The following TAF1A variants were observed in gnomAD, a reference collection of about 807,000 sequenced individuals.
TAF1A encodes TATA-box binding protein associated factor, RNA polymerase I subunit A, also known as TATA box-binding protein-associated factor RNA polymerase I subunit A.
Under a neutral mutation model 61.6 loss-of-function variants are expected in TAF1A, and 42 were observed. That is an observed-to-expected ratio of 0.68 (90% CI 0.53 to 0.88). The LOEUF (loss-of-function observed/expected upper bound fraction) is 0.88. Ranked by LOEUF, TAF1A falls within the 40% of genes least tolerant of loss-of-function variation. The pLI is 0.00. For missense variants in TAF1A, 424 were observed against 518.7 expected (o/e 0.82, Z 1.77); for synonymous variants, 179 against 177.7 (o/e 1.01, Z -0.06).
intron 7 of TAF1A, among the ~76,000 whole-genome samples, chr1:222,568,432 A>C (rs1267151158): frequency 6.6e-6 from 1 of 152,076 alleles, no homozygotes; most frequent in Non-Finnish European, 1.5e-5. Context: ...GTAAGAAGAC[A>C]ATTGATCCCC....
At chr1:222,577,807 C>T (rs913177590) in intron 4 of TAF1A, among the ~76,000 whole-genome samples, 164 bp from the exon 5 acceptor site, 5 of 152,054 alleles carry the variant, frequency 3.3e-5, no homozygotes, top group Admixed American at 1.3e-4. Context: ...AGAAGTAAGA[C>T]ATAGGAAACA....
Position 222,569,674 on chromosome 1 carries a change from T to C in TAF1A, c.736-6A>G, listed in dbSNP as rs1176281633. 1 of 1,606,134 alleles carries C rather than the reference T, an allele frequency of 6.2e-7. No homozygotes were observed. On this transcript the variant is annotated splice_region_variant and splice_polypyrimidine_tract_variant and intron_variant, in intron 6 of 10. Transcript: ENST00000352967. ...TCCCCATAGAATTCCAGCATCTATA[T>C]AAAATAAATCATAATATCTTAGCTG...
intron 5 of TAF1A, among the ~76,000 whole-genome samples, chr1:222,572,336 C>T (rs186022716): frequency 1.3e-5 from 2 of 151,922 alleles, no homozygotes; most frequent in Admixed American, 1.3e-4. Flanking sequence ...TAAACCTCTA[C>T]ATTTATAGGT....
chr1:222,557,172 G>C (rs1659739730), downstream of TAF1A, among the ~76,000 whole-genome samples: 1 of 152,210 alleles, frequency 6.6e-6, no homozygotes, highest in Admixed American at 6.5e-5. Context: ...TATTAGACTT[G>C]CTCTGAAGTT....
chr1:222,585,897 A>G (rs1660996254), intron 2 of TAF1A, among the ~76,000 whole-genome samples: 2 of 152,224 alleles, frequency 1.3e-5, no homozygotes, highest in African/African-American at 4.8e-5. Flanking sequence ...AAAGTAATAT[A>G]TAGTCATTTA....
chr1:222,562,960 T>C (rs979861835), intron 9 of TAF1A, among the ~76,000 whole-genome samples: 10 of 152,216 alleles, frequency 6.6e-5, no homozygotes, highest in Admixed American at 1.3e-4. Context: ...AGGATTTATT[T>C]TGATGGCATA....
At chr1:222,568,486 C>T (rs1232539656) in intron 7 of TAF1A, among the ~76,000 whole-genome samples, 1 of 52,422 alleles carries the variant, frequency 1.9e-5, no homozygotes, top group Non-Finnish European at 6.0e-5. Flanking sequence ...AAAGAAGATA[C>T]AGGATGGCCA....
chr1:222,585,743 C>A (rs539602712), intron 2 of TAF1A, among the ~76,000 whole-genome samples: 169 of 152,186 alleles, frequency 1.1e-3, no homozygotes, highest in African/African-American at 3.5e-3. Context: ...AATATTGATA[C>A]ATACTTTTAT....
intron 5 of TAF1A, among the ~76,000 whole-genome samples, chr1:222,574,744 A>G (rs1660499177): frequency 6.6e-6 from 1 of 152,186 alleles, no homozygotes; most frequent in Non-Finnish European, 1.5e-5. Context: ...ATACAGTACA[A>G]CTCCAAATAC....
At chr1:222,586,995 C>T (rs1297041354) in intron 2 of TAF1A, among the ~76,000 whole-genome samples, 1 of 152,208 alleles carries the variant, frequency 6.6e-6, no homozygotes, top group African/African-American at 2.4e-5. Context: ...AACCTATCTG[C>T]TTGCAGACTG....
Position 222,569,237 on chromosome 1 carries a change from T to C in TAF1A, c.894+273A>G, listed in dbSNP as rs1571805220. ...CTCTGAAAACTAAATTTCAATAAAG[T>C]TGATTTTCAAAAAATATCAGTGCAG... is the stretch of plus-strand genomic sequence containing the variant. On this transcript the variant is annotated intron_variant, in intron 7 of 10. Coordinates refer to ENST00000352967, the MANE Select transcript of TAF1A (RefSeq NM_005681.4). 6 of 1,255,808 alleles carry C rather than the reference T, an allele frequency of 4.8e-6. No individual in the cohort carries two copies. The African/African-American group carries it at 9.2e-5, about 19-fold the overall frequency. 77.8% of individuals were successfully genotyped at this position (1,255,808 alleles called of 1,614,324 possible).
In TAF1A at chr1:222,569,495, A is replaced by AT; in HGVS notation, c.894+14dup. 6.2e-7 allele frequency: 1 copy of AT among 1,613,552 alleles called. No individual in the cohort carries two copies. ...TTCCCAACCCTGGTCAAACATCGAG[A>AT]TAAAAATTCTATACCTTAAGCACAC... On this transcript the variant is annotated intron_variant, in intron 7 of 10. Transcript: ENST00000352967.
chr1:222,577,642 A>C lies in TAF1A; in HGVS notation c.407T>G (p.Ile136Ser). ...KNIGVMNYLK[I>S]SLQHALYLLH... is the part of the protein sequence containing the mutation. ...AAGGTATAATGCATGTTGTAAGGAG[A>C]TCTGCAAAAATAATAAGGGTACACC... Residue 136 changes from isoleucine to serine, a missense_variant and splice_region_variant, in exon 5 of 11, where the codon ATC becomes AGC. By Grantham distance (142) the Ile-to-Ser change is moderately radical. Coordinates refer to ENST00000352967, the MANE Select transcript of TAF1A (RefSeq NM_005681.4). 6.2e-7 allele frequency: 1 copy of C among 1,613,466 alleles called. No individual in the cohort carries two copies. Among genetic ancestry groups the C allele is most frequent in the Non-Finnish European group, 8.5e-7 (1 of 1,179,622 alleles).
At chr1:222,572,573 G>GTT (rs1660402139) in intron 5 of TAF1A, among the ~76,000 whole-genome samples, 1 of 152,094 alleles carries the variant, frequency 6.6e-6, no homozygotes, top group Non-Finnish European at 1.5e-5. Context: ...GCCCAGGTTG[G>GTT]TTTCGAACTC....
At chr1:222,575,922 A>G (rs553275776) in intron 5 of TAF1A, among the ~76,000 whole-genome samples, 85 of 152,360 alleles carry the variant, frequency 5.6e-4, no homozygotes, top group African/African-American at 2.0e-3. Context: ...ATGTATAAGA[A>G]GAAAAGTAAA....
At chr1:222,569,768 T>C (rs991276313) in intron 6 of TAF1A, 100 bp from the exon 7 acceptor site, 26 of 1,124,582 alleles carry the variant, frequency 2.3e-5, no homozygotes, top group Non-Finnish European at 2.9e-5. Context: ...TTTTTAAAAA[T>C]CACAAAACTG....
In TAF1A at chr1:222,579,716, AAAG is replaced by A. The variant is rs753217730; in HGVS notation, c.405+40_405+42del. 3.2e-6 allele frequency: 5 copies of A among 1,580,702 alleles called. No individual in the cohort carries two copies. The Admixed American group carries it at 6.1e-5, about 19-fold the overall frequency. On this transcript the variant is annotated intron_variant, in intron 4 of 10. Transcript: ENST00000352967. The stretch of plus-strand genomic sequence containing the variant: ...ACTGACACAAGCAATTAGAAAAAAA[AAAG>A]AATACTGCAAGTGTAAATTCACAAA...
chr1:222,582,399 A>C (rs1660821684), intron 3 of TAF1A, among the ~76,000 whole-genome samples: 1 of 152,250 alleles, frequency 6.6e-6, no homozygotes, highest in Non-Finnish European at 1.5e-5. Flanking sequence ...GGATGATGCC[A>C]CTTCACAACC....
downstream of TAF1A, among the ~76,000 whole-genome samples, chr1:222,557,427 T>G (rs1220738547): frequency 3.9e-5 from 6 of 152,058 alleles, no homozygotes; most frequent in Non-Finnish European, 8.8e-5. Context: ...CATCCTCATT[T>G]CCAAGAGAAA....
Sources: allele counts gnomAD v4.1 joint callset (sites outside exome capture counted in the v4.1 genomes callset), GRCh38; gene constraint gnomAD v4.1.1; transcripts MANE v1.5; gene names NCBI Gene and HGNC (gene_info 2026-07-23, HGNC 2026-07-21).